The following ZNF469 variants were observed in gnomAD, a reference collection of about 807,000 sequenced individuals.
The protein encoded by ZNF469 is zinc finger protein 469.
Under a neutral mutation model 1.0 loss-of-function variants are expected in ZNF469, and 1 was observed. That is an observed-to-expected ratio of 1.00 (90% CI 0.35 to 4.73). ZNF469 has a LOEUF of 4.73. Ranked by LOEUF, ZNF469 falls within the 30% of genes most tolerant of loss-of-function variation. ZNF469 has a pLI of 0.16. For missense variants in ZNF469, 6,100 were observed against 5,356.3 expected (o/e 1.14, Z -4.33); for synonymous variants, 2,703 against 2,363.4 (o/e 1.14, Z -4.17).
At chr16:88,231,565 G>A in the ZNF469 span, among the ~76,000 whole-genome samples, 1 of 152,134 alleles carries the variant, frequency 6.6e-6, no homozygotes, top group East Asian at 1.9e-4. The surrounding 1 kb of genome is among the most constrained non-coding windows in gnomAD (Gnocchi z 4.5). Context: ...CCAGGGGAGG[G>A]TCCTTTTCTT....
the ZNF469 span, among the ~76,000 whole-genome samples, chr16:88,316,441 G>A: frequency 6.6e-6 from 1 of 152,098 alleles, no homozygotes; most frequent in African/African-American, 2.4e-5. Flanking sequence ...TTTCATGAGG[G>A]TGATGTGATC....
At chr16:88,209,270 T>C in the ZNF469 span, among the ~76,000 whole-genome samples, 2 of 151,904 alleles carry the variant, frequency 1.3e-5, no homozygotes, top group African/African-American at 2.4e-5. Context: ...GTTCTTCCGG[T>C]GTTTCTTTTC....
At chr16:88,399,847 C>T (rs564752220) in intron 1 of ZNF469, among the ~76,000 whole-genome samples, 3 of 152,354 alleles carry the variant, frequency 2.0e-5, no homozygotes, top group South Asian at 2.1e-4. Flanking sequence ...GCAGCCAGGA[C>T]GGCAGCCCCT....
chr16:88,383,697 G>C (rs1418914447), intron 1 of ZNF469, among the ~76,000 whole-genome samples: 1 of 151,326 alleles, frequency 6.6e-6, no homozygotes, highest in Non-Finnish European at 1.5e-5. Flanking sequence ...CAGCCGTGCC[G>C]CCGCCTCCTC....
chr16:88,203,395 G>A, the ZNF469 span, among the ~76,000 whole-genome samples: 13 of 152,174 alleles, frequency 8.5e-5, no homozygotes, highest in African/African-American at 2.9e-4. Flanking sequence ...TCACCTGAGG[G>A]CGGCGCCTGC....
the ZNF469 span, among the ~76,000 whole-genome samples, chr16:88,322,040 G>A: frequency 6.6e-6 from 1 of 152,248 alleles, no homozygotes; most frequent in Non-Finnish European, 1.5e-5. Context: ...GCATGAGAGA[G>A]AGGCCTCACT....
chr16:88,174,974 CTAATG>C, the ZNF469 span, among the ~76,000 whole-genome samples: 1 of 151,706 alleles, frequency 6.6e-6, no homozygotes, highest in Non-Finnish European at 1.5e-5. Flanking sequence ...ATGAAATTGG[CTAATG>C]TAATTGTGAG....
Position 88,437,757 on chromosome 16 carries a change from G to A in ZNF469, c.10287G>A (p.Lys3429=), listed in dbSNP as rs780657555. The change falls in exon 3 of 3, where the codon AAG becomes AAA. Residue 3429 remains lysine (K), a synonymous_variant. Transcript: ENST00000565624. ...GCTCCTGCAACTACACCTTCGCCAAGAAGGAGCAGTTCGACCGCCACATGA... is the reference window on the plus strand; with the variant it reads ...GCTCCTGCAACTACACCTTCGCCAAAAAGGAGCAGTTCGACCGCCACATGA... ...ACSSCNYTFA[K]KEQFDRHMNK... The A allele has an allele frequency of 5.2e-6, 8 of 1,549,718 alleles. No homozygotes were observed. In the East Asian group the frequency reaches 1.5e-4, roughly 28 times the overall value.
rs1163961060 is a variant in ZNF469, at chr16:88,431,074, C to A, written c.3604C>A (p.Pro1202Thr). 1.3e-6 allele frequency: 2 copies of A among 1,549,696 alleles called. No homozygotes were observed. The highest frequency in any genetic ancestry group is 2.0e-5 in the Admixed American group (1 of 50,984). Reference sequence around the variant, plus strand: ...TCGCCCCTCAGTGGCCCCCAAGGATCCCCTGCAGGTCCCCACCAACACCGA... The same window carrying A: ...TCGCCCCTCAGTGGCCCCCAAGGATACCCTGCAGGTCCCCACCAACACCGA... Reference protein sequence around the residue: ...ADRPSVAPKDPLQVPTNTETS... With the variant: ...ADRPSVAPKDTLQVPTNTETS... The change falls in exon 3 of 3, where the codon CCC (proline) becomes ACC (threonine). Residue 1202 changes from proline (P) to threonine (T), a missense_variant. Coordinates refer to ENST00000565624, the MANE Select transcript of ZNF469 (RefSeq NM_001367624.2).
the ZNF469 span, among the ~76,000 whole-genome samples, chr16:88,185,268 C>G: frequency 6.6e-6 from 1 of 152,088 alleles, no homozygotes; most frequent in Non-Finnish European, 1.5e-5. Context: ...AACACAGGCA[C>G]GCACTAGTAT....
chr16:88,376,970 C>G, the ZNF469 span, among the ~76,000 whole-genome samples: 1 of 152,214 alleles, frequency 6.6e-6, no homozygotes, highest in Non-Finnish European at 1.5e-5. Context: ...CGGCTCTGCC[C>G]GCTCATGCCG....
the ZNF469 span, among the ~76,000 whole-genome samples, chr16:88,142,520 C>A: frequency 6.6e-6 from 1 of 152,216 alleles, no homozygotes; most frequent in Non-Finnish European, 1.5e-5. Flanking sequence ...TGAACTCCAG[C>A]CTCAGGACTG....
chr16:88,437,610 G>T lies in ZNF469; in HGVS notation c.10140G>T (p.Leu3380=), dbSNP rs944638417. ...GGGTCTACCCCGAGCACGGGGAGCT[G>T]CTGGCACACCTGGGCGGGGCGCACG... ...CPRVYPEHGE[L]LAHLGGAHGL... is the part of the protein sequence containing the mutation. The change falls in exon 3 of 3, where the codon CTG becomes CTT. Residue 3380 remains leucine, a synonymous_variant. Coordinates refer to ENST00000565624, the MANE Select transcript of ZNF469 (RefSeq NM_001367624.2). 13 of 1,538,268 alleles carry T rather than the reference G, an allele frequency of 8.5e-6. No individual in the cohort carries two copies. Among genetic ancestry groups the T allele is most frequent in the Non-Finnish European group, 9.7e-6 (11 of 1,138,008 alleles).
the ZNF469 span, among the ~76,000 whole-genome samples, chr16:88,239,693 ATATATATATATATATATATATATT>A: frequency 3.5e-4 from 3 of 8,618 alleles, no homozygotes; most frequent in African/African-American, 6.5e-4. Context: ...ATATATATAT[ATATATATATATATATATATATATT>A]TTTTTTTTTT....
Position 88,431,000 on chromosome 16 carries a change from G to A in ZNF469, c.3530G>A (p.Ser1177Asn). 6.5e-7 allele frequency: 1 copy of A among 1,542,490 alleles called. No homozygotes were observed. Among genetic ancestry groups the A allele is most frequent in the Admixed American group, 2.0e-5 (1 of 50,980 alleles). The change falls in exon 3 of 3, where the codon AGC becomes AAC. Residue 1177 changes from serine (S) to asparagine (N), a missense_variant. Transcript: ENST00000565624. ...RSPQARGPSR[S>N]LETGAAAREG... ...CCTCAGGCCCGTGGCCCGTCTCGAA[G>A]CCTGGAGACGGGAGCGGCCGCCAGG...
the ZNF469 span, among the ~76,000 whole-genome samples, chr16:88,300,011 G>A: frequency 3.9e-5 from 6 of 152,288 alleles, no homozygotes; most frequent in South Asian, 2.1e-4. Context: ...GGCAGCGCAC[G>A]GCACGGCTAG....
chr16:88,219,762 C>T, the ZNF469 span, among the ~76,000 whole-genome samples: 8 of 152,178 alleles, frequency 5.3e-5, no homozygotes, highest in Non-Finnish European at 7.3e-5. Context: ...CACATGACCC[C>T]AGTTTTCATC....
At chr16:88,284,758 G>A in the ZNF469 span, among the ~76,000 whole-genome samples, 5 of 152,350 alleles carry the variant, frequency 3.3e-5, no homozygotes, top group African/African-American at 7.2e-5. Context: ...ACACTCCGCC[G>A]TGCCCCTGGC....
the ZNF469 span, among the ~76,000 whole-genome samples, chr16:88,282,205 G>A: frequency 6.6e-6 from 1 of 152,192 alleles, no homozygotes; most frequent in Admixed American, 6.5e-5. Flanking sequence ...CCAGGCTCAA[G>A]GCATTTGGGA....
Sources: allele counts gnomAD v4.1 joint callset (sites outside exome capture counted in the v4.1 genomes callset), GRCh38; gene constraint gnomAD v4.1.1; non-coding constraint Gnocchi (gnomAD v3.1); transcripts MANE v1.5; gene names NCBI Gene and HGNC (gene_info 2026-07-23, HGNC 2026-07-21).